The following AGBL1 variants were observed in gnomAD, a reference collection of about 807,000 sequenced individuals.
The protein encoded by AGBL1 is AGBL carboxypeptidase 1.
Under a neutral mutation model 118.9 loss-of-function variants are expected in AGBL1, and 130 were observed. The ratio of observed to expected loss-of-function variants is 1.09; its 90% CI spans 0.95 to 1.26. The LOEUF (loss-of-function observed/expected upper bound fraction) is 1.26, where lower values mean the gene tolerates loss of function less well. Among genes scored for constraint, AGBL1 ranks in the 50% most tolerant of loss-of-function variants. The pLI, the probability that AGBL1 is intolerant of heterozygous loss-of-function variation, is 0.00. For synonymous variants in AGBL1, 555 were observed against 478.9 expected (o/e 1.16, Z -2.08); for missense variants, 1,584 against 1,298.1 (o/e 1.22, Z -3.38).
At chr15:86,232,169 TTA>T (rs1304966623) in intron 6 of AGBL1, among the ~76,000 whole-genome samples, 2 of 152,232 alleles carry the variant, frequency 1.3e-5, no homozygotes, top group Non-Finnish European at 2.9e-5. Context: ...TGCCAAAATG[TTA>T]TGTCTTTTGC....
chr15:86,637,894 G>A (rs1321229831), intron 21 of AGBL1, among the ~76,000 whole-genome samples: 1 of 152,196 alleles, frequency 6.6e-6, no homozygotes, highest in Non-Finnish European at 1.5e-5. Flanking sequence ...GCATCAAAGA[G>A]GGAGATGGTG....
chr15:86,407,342 C>A (rs2081544079), intron 18 of AGBL1, among the ~76,000 whole-genome samples: 1 of 152,132 alleles, frequency 6.6e-6, no homozygotes, highest in African/African-American at 2.4e-5. Context: ...GTTTGCAAAG[C>A]TCTTGTTCTT....
chr15:86,932,673 C>T (rs1164898259), intron 23 of AGBL1, among the ~76,000 whole-genome samples: 1 of 152,136 alleles, frequency 6.6e-6, no homozygotes, highest in Non-Finnish European at 1.5e-5. Context: ...TCCAAAATCG[C>T]TTTGCAATGA....
chr15:86,576,386 A>T (rs2084092377), intron 21 of AGBL1, among the ~76,000 whole-genome samples: 2 of 152,216 alleles, frequency 1.3e-5, no homozygotes, highest in Admixed American at 1.3e-4. Context: ...TGAAAAAAAA[A>T]TTATGGACAG....
chr15:86,196,879 G>GCGCACACACACACACACA (rs756313941), intron 5 of AGBL1, among the ~76,000 whole-genome samples: 8 of 116,962 alleles, frequency 6.8e-5, no homozygotes, highest in Admixed American at 6.1e-4. Flanking sequence ...GCGCGCGCGC[G>GCGCACACACACACACACA]CACACACACA....
intron 22 of AGBL1, among the ~76,000 whole-genome samples, chr15:86,890,029 C>T (rs915412304): frequency 6.6e-6 from 1 of 152,134 alleles, no homozygotes; most frequent in African/African-American, 2.4e-5. Flanking sequence ...TAAAAGTGTT[C>T]CTTTTTCTCT....
At chr15:86,447,861 A>G (rs1258084179) in intron 18 of AGBL1, among the ~76,000 whole-genome samples, 1 of 152,208 alleles carries the variant, frequency 6.6e-6, no homozygotes, top group Non-Finnish European at 1.5e-5. Context: ...GGATCAAAAC[A>G]GGGCCGGGTG....
chr15:86,856,787 C>T (rs531388598), intron 22 of AGBL1, among the ~76,000 whole-genome samples: 94 of 152,324 alleles, frequency 6.2e-4, no homozygotes, highest in South Asian at 1.0e-3. Flanking sequence ...CTGCATTACA[C>T]GCTTAGATAT....
intron 21 of AGBL1, among the ~76,000 whole-genome samples, chr15:86,571,550 A>G (rs74939043): frequency 0.031 from 4,725 of 152,214 alleles, 110 homozygotes; most frequent in East Asian, 0.066. Context: ...GCTCACAGCA[A>G]AGAGGGTGGT....
chr15:86,162,377 A>T lies in AGBL1; in HGVS notation c.488+3351A>T, dbSNP rs540672687. 6.6e-5 allele frequency among the ~76,000 whole-genome samples: 10 copies of T among 152,302 alleles called. No homozygotes were observed. The South Asian group carries it at 2.1e-3, about 32-fold the overall frequency. On this transcript the variant is annotated intron_variant, in intron 5 of 22. Coordinates refer to ENST00000614907, the MANE Select transcript of AGBL1 (RefSeq NM_001386094.1). ...GACCTGCCCTACTTCTCTAGCAGGA[A>T]CCTAAAATTAGATGTGCAGCTGTCC...
rs1050416200 is a variant in AGBL1, at chr15:86,465,391, T to G, written c.2556-57419T>G. On this transcript the variant is annotated intron_variant, in intron 18 of 22. Coordinates refer to ENST00000614907, the MANE Select transcript of AGBL1 (RefSeq NM_001386094.1). ...AAGTTGTTTGTAAAGCGTGTGTGTT[T>G]GAACAATATGAAATCTGGCACCTTG... Among the ~76,000 whole-genome samples, 3 of 152,166 alleles carry G rather than the reference T, an allele frequency of 2.0e-5. No individual in the cohort carries two copies. In the East Asian group the frequency reaches 5.8e-4, roughly 29 times the overall value.
chr15:86,874,309 A>G (rs543169575), intron 22 of AGBL1, among the ~76,000 whole-genome samples: 1 of 152,100 alleles, frequency 6.6e-6, no homozygotes, highest in African/African-American at 2.4e-5. Context: ...TTATGGTGCT[A>G]TGCTTCTCAA....
chr15:86,610,565 G>A (rs868254591), intron 21 of AGBL1, among the ~76,000 whole-genome samples: 1 of 152,092 alleles, frequency 6.6e-6, no homozygotes, highest in South Asian at 2.1e-4. Flanking sequence ...GAGTTCCCTA[G>A]ACTAACTAGA....
intron 5 of AGBL1, among the ~76,000 whole-genome samples, chr15:86,176,024 C>T (rs547065468): frequency 6.6e-6 from 1 of 152,178 alleles, no homozygotes; most frequent in East Asian, 1.9e-4. Flanking sequence ...AGTCTAAATC[C>T]AATGTTTTTT....
At chr15:86,162,964 C>T (rs1031702353) in intron 5 of AGBL1, among the ~76,000 whole-genome samples, 2 of 152,222 alleles carry the variant, frequency 1.3e-5, no homozygotes, top group African/African-American at 4.8e-5. Flanking sequence ...AAACATCCTC[C>T]AGAGATTTGT....
At chr15:86,515,957 A>T (rs1412795945) in intron 18 of AGBL1, among the ~76,000 whole-genome samples, 1 of 152,208 alleles carries the variant, frequency 6.6e-6, no homozygotes, top group East Asian at 1.9e-4. Flanking sequence ...AATATGTGTA[A>T]GATGTACATT....
At chr15:86,650,452 C>T (rs2085350507) in intron 21 of AGBL1, among the ~76,000 whole-genome samples, 1 of 152,110 alleles carries the variant, frequency 6.6e-6, no homozygotes, top group Non-Finnish European at 1.5e-5. Flanking sequence ...AGAAAAATAA[C>T]TTCTTTTATA....
At chr15:86,630,986 G>A (rs1409000950) in intron 21 of AGBL1, 1 of 156,016 alleles carries the variant, frequency 6.4e-6, no homozygotes, top group Non-Finnish European at 1.4e-5. Context: ...CCTAGGTGAG[G>A]ACAGGACAGA....
At position 86,178,560 on chromosome 15, in the gene AGBL1, C is replaced by G. The variant is rs1202943668; in HGVS notation, c.488+19534C>G. Among the ~76,000 whole-genome samples, 4 of 152,140 alleles carry G rather than the reference C, an allele frequency of 2.6e-5. No individual in the cohort carries two copies. In the South Asian group the frequency reaches 8.3e-4, roughly 31 times the overall value. On this transcript the variant is annotated intron_variant, in intron 5 of 22. Coordinates refer to ENST00000614907, the MANE Select transcript of AGBL1 (RefSeq NM_001386094.1). ...GAAGAAAAAGATAACCTATATAGCC[C>G]TATATTTGGTAATTGAATTGAATGT...
Sources: gnomAD v4.1 joint callset for allele counts (sites outside exome capture counted in the v4.1 genomes callset) on GRCh38, gnomAD v4.1.1 for gene constraint, MANE v1.5 for transcripts, NCBI Gene and HGNC (gene_info 2026-07-23, HGNC 2026-07-21) for gene names.